THSD7B: variants seen among roughly 807,000 people sequenced by gnomAD.
The protein encoded by THSD7B is thrombospondin type-1 domain-containing protein 7B.
THSD7B carries 138 observed loss-of-function variants against 213.6 expected under a neutral mutation model. That is an observed-to-expected ratio of 0.65 (90% CI 0.56 to 0.74). The LOEUF (loss-of-function observed/expected upper bound fraction) is 0.74, where lower values mean the gene tolerates loss of function less well. Among genes scored for constraint, THSD7B ranks in the 30% least tolerant of loss-of-function variants. The pLI is 0.00. For missense variants in THSD7B, 1,931 were observed against 1,991.5 expected, an observed-to-expected ratio of 0.97 and a Z score of 0.58; for synonymous variants, 742 against 687.0, an observed-to-expected ratio of 1.08 and a Z score of -1.25.
At chr2:137,380,307 T>C (rs9973510) in intron 12 of THSD7B, among the ~76,000 whole-genome samples, 7,857 of 151,936 alleles carry the variant, frequency 0.052, 608 homozygotes, top group African/African-American at 0.17. Flanking sequence ...TAGTTCCAGC[T>C]ACTCATTGGG....
chr2:137,563,130 G>A, intron 15 of THSD7B, 91 bp from the exon 16 acceptor site: 1 of 1,400,788 alleles, frequency 7.1e-7, no homozygotes, highest in Non-Finnish European at 9.6e-7. Context: ...AGTTTCTTGG[G>A]TTATGTTCAG....
chr2:136,786,295 G>A (rs1210114589), intron 1 of THSD7B, among the ~76,000 whole-genome samples: 1 of 152,084 alleles, frequency 6.6e-6, no homozygotes, highest in East Asian at 1.9e-4. Context: ...ATCTCCTGTA[G>A]TACCAAAGAA....
chr2:137,669,183 AC>A (rs1427148367), intron 27 of THSD7B, among the ~76,000 whole-genome samples: 1 of 152,094 alleles, frequency 6.6e-6, no homozygotes, highest in East Asian at 1.9e-4. Context: ...GAGAGTTTTT[AC>A]CCAAGTTTTA....
chr2:137,077,952 G>T (rs1308815449), intron 3 of THSD7B, among the ~76,000 whole-genome samples: 1 of 152,124 alleles, frequency 6.6e-6, no homozygotes, highest in Non-Finnish European at 1.5e-5. Context: ...GGTTTTTATG[G>T]TTTCAGGTGT....
chr2:136,907,789 G>A (rs780173193), intron 2 of THSD7B, among the ~76,000 whole-genome samples: 5 of 152,128 alleles, frequency 3.3e-5, no homozygotes, highest in African/African-American at 4.8e-5. Context: ...GGTAACTGCT[G>A]TATGTTGCTG....
intron 2 of THSD7B, among the ~76,000 whole-genome samples, chr2:136,948,813 G>A (rs1043573184): frequency 6.6e-6 from 1 of 152,120 alleles, no homozygotes; most frequent in African/African-American, 2.4e-5. Flanking sequence ...CGTCGTATGT[G>A]AGAGATATAT....
At position 136,876,051 on chromosome 2, in the gene THSD7B, G is replaced by A. The variant is rs184860637; in HGVS notation, c.-35-6093G>A. Reference sequence around the variant, plus strand: ...ATCTGAATATATTTTCAGATATGCTGAATGGCCGTGAGAATGGACAAAGTC... The same window carrying A: ...ATCTGAATATATTTTCAGATATGCTAAATGGCCGTGAGAATGGACAAAGTC... On this transcript the variant is annotated intron_variant, in intron 1 of 27. Coordinates refer to ENST00000409968, the MANE Select transcript of THSD7B (RefSeq NM_001316349.2). Among the ~76,000 whole-genome samples the A allele has an allele frequency of 2.2e-3, 330 of 152,240 alleles. 9 individuals are homozygous for A. Among genetic ancestry groups the A allele is most frequent in the Non-Finnish European group, 5.1e-4 (35 of 68,020 alleles).
intron 7 of THSD7B, among the ~76,000 whole-genome samples, chr2:137,191,639 C>G (rs1480097782): frequency 6.6e-6 from 1 of 151,954 alleles, no homozygotes; most frequent in Non-Finnish European, 1.5e-5. Flanking sequence ...GACCATGGCC[C>G]CATGGCTGCC....
chr2:137,267,650 C>T (rs570467909), intron 10 of THSD7B, among the ~76,000 whole-genome samples: 17 of 151,928 alleles, frequency 1.1e-4, no homozygotes, highest in Non-Finnish European at 2.2e-4. Context: ...CCTCTTCCAC[C>T]CCCCCATTTT....
intron 12 of THSD7B, among the ~76,000 whole-genome samples, chr2:137,315,127 G>T (rs1039585439): frequency 9.8e-5 from 15 of 152,310 alleles, no homozygotes; most frequent in African/African-American, 3.6e-4. Flanking sequence ...CTTGCAGTTT[G>T]ATCTCAGGCT....
chr2:137,416,241 G>A (rs775579529), intron 14 of THSD7B, among the ~76,000 whole-genome samples: 4 of 152,098 alleles, frequency 2.6e-5, no homozygotes, highest in South Asian at 2.1e-4. Context: ...ATACTGACAC[G>A]AAAATGTGTC....
chr2:137,568,553 TCA>T (rs1351939234), intron 16 of THSD7B, among the ~76,000 whole-genome samples: 2 of 152,148 alleles, frequency 1.3e-5, no homozygotes, highest in South Asian at 4.1e-4. Flanking sequence ...TTTAGTTGAC[TCA>T]CAGTTCCACA....
chr2:137,062,458 A>T (rs1158463651), intron 3 of THSD7B, among the ~76,000 whole-genome samples: 1 of 151,652 alleles, frequency 6.6e-6, no homozygotes. Context: ...CTTTACTATT[A>T]GATGCATTCA....
intron 10 of THSD7B, among the ~76,000 whole-genome samples, chr2:137,269,592 A>C (rs984928810): frequency 1.3e-5 from 2 of 152,242 alleles, no homozygotes; most frequent in African/African-American, 2.4e-5. Flanking sequence ...ACCCACACTC[A>C]AGAAAACATT....
chr2:137,109,830 C>T (rs1451777500), intron 4 of THSD7B, among the ~76,000 whole-genome samples: 3 of 152,088 alleles, frequency 2.0e-5, no homozygotes, highest in African/African-American at 4.8e-5. Context: ...GTCTGTGGCT[C>T]GGGTGTTAGG....
chr2:137,454,708 C>G (rs1053662329), intron 15 of THSD7B, among the ~76,000 whole-genome samples: 7 of 151,954 alleles, frequency 4.6e-5, no homozygotes, highest in African/African-American at 1.5e-4. Context: ...TTAGAGGAGG[C>G]CACTATTTGT....
At chr2:137,385,298 C>T (rs1227236824) in intron 12 of THSD7B, among the ~76,000 whole-genome samples, 1 of 152,214 alleles carries the variant, frequency 6.6e-6, no homozygotes, top group Non-Finnish European at 1.5e-5. Flanking sequence ...ATTGTATCAA[C>T]CCATGATGAA....
chr2:137,357,524 G>A (rs535984646), intron 12 of THSD7B, among the ~76,000 whole-genome samples: 9 of 152,184 alleles, frequency 5.9e-5, no homozygotes, highest in East Asian at 3.9e-4. Flanking sequence ...TTGGACCCCC[G>A]ATGCCTTAGT....
intron 1 of THSD7B, among the ~76,000 whole-genome samples, chr2:136,878,559 C>T (rs1301963039): frequency 2.0e-5 from 3 of 151,978 alleles, no homozygotes; most frequent in African/African-American, 7.2e-5. Context: ...TCCTATTTCT[C>T]CACATCCTCT....
Sources: gnomAD v4.1 joint callset for allele counts (sites outside exome capture counted in the v4.1 genomes callset) on GRCh38, gnomAD v4.1.1 for gene constraint, MANE v1.5 for transcripts, NCBI Gene and HGNC (gene_info 2026-07-23, HGNC 2026-07-21) for gene names.